Variants in AKAP6 observed in about 807,000 individuals in gnomAD.
AKAP6 encodes A-kinase anchor protein 6.
Under a neutral mutation model 188.5 loss-of-function variants are expected in AKAP6, and 58 were observed. The observed-to-expected ratio is 0.31, with a 90% CI of 0.25 to 0.38. The LOEUF (loss-of-function observed/expected upper bound fraction) is 0.38, where lower values mean the gene tolerates loss of function less well. Among genes scored for constraint, AKAP6 ranks in the 10% least tolerant of loss-of-function variants. AKAP6 has a pLI of 1.00. For synonymous variants in AKAP6, 989 were observed against 998.6 expected (o/e 0.99, Z 0.18); for missense variants, 2,710 against 2,740.0 (o/e 0.99, Z 0.24).
At chr14:32,367,596 A>G (rs1887875438) in intron 1 of AKAP6, among the ~76,000 whole-genome samples, 1 of 152,168 alleles carries the variant, frequency 6.6e-6, no homozygotes, top group South Asian at 2.1e-4. Context: ...ATGGATGGCC[A>G]TCAACTGCAT....
intron 12 of AKAP6, among the ~76,000 whole-genome samples, chr14:32,797,451 T>C (rs779048214): frequency 1.3e-5 from 2 of 152,208 alleles, no homozygotes; most frequent in Non-Finnish European, 2.9e-5. Flanking sequence ...AATGAGACCA[T>C]GTCCTTTGCA....
intron 11 of AKAP6, among the ~76,000 whole-genome samples, chr14:32,756,810 G>T (rs1179776875): frequency 1.3e-5 from 2 of 152,144 alleles, no homozygotes; most frequent in African/African-American, 4.8e-5. Flanking sequence ...ATGCTGCAGG[G>T]GCTGGCCTGG....
intron 8 of AKAP6, among the ~76,000 whole-genome samples, chr14:32,679,899 T>C (rs1199871479): frequency 2.0e-5 from 3 of 152,218 alleles, no homozygotes; most frequent in African/African-American, 7.2e-5. Context: ...TCTTGAAGCA[T>C]GAACAATAAA....
intron 7 of AKAP6, 143 bp from the exon 8 acceptor site, chr14:32,678,168 T>G (rs961870437): frequency 1.3e-6 from 1 of 748,178 alleles, no homozygotes; most frequent in Non-Finnish European, 2.0e-6. Flanking sequence ...TTCTGTAATA[T>G]GCCCAACTGA....
At chr14:32,482,973 CTGTGTGTG>C (rs141150013) in intron 2 of AKAP6, among the ~76,000 whole-genome samples, 4 of 145,442 alleles carry the variant, frequency 2.8e-5, no homozygotes, top group African/African-American at 9.9e-5. Flanking sequence ...GTGTGTGTGT[CTGTGTGTG>C]TGTGTGTGTA....
intron 1 of AKAP6, among the ~76,000 whole-genome samples, chr14:32,421,322 C>T (rs1237784994): frequency 8.0e-6 from 1 of 124,914 alleles, no homozygotes; most frequent in African/African-American, 3.0e-5. Flanking sequence ...GAAGTTGGAC[C>T]TCCTGCAATA....
chr14:32,530,783 A>G (rs1247960844), intron 2 of AKAP6, among the ~76,000 whole-genome samples: 2 of 152,316 alleles, frequency 1.3e-5, no homozygotes, highest in East Asian at 1.9e-4. Context: ...ACATCCCTGT[A>G]TTTGTTTAGA....
intron 1 of AKAP6, among the ~76,000 whole-genome samples, chr14:32,385,914 CAT>C (rs1222138761): frequency 2.7e-5 from 4 of 148,160 alleles, no homozygotes; most frequent in African/African-American, 7.4e-5. Flanking sequence ...TACATGTAGT[CAT>C]ATATTATAGT....
At chr14:32,668,703 G>C (rs942083250) in intron 7 of AKAP6, among the ~76,000 whole-genome samples, 13 of 152,008 alleles carry the variant, frequency 8.6e-5, no homozygotes, top group Admixed American at 7.9e-4. Context: ...AATAAACCTT[G>C]AGAACCTAAG....
At chr14:32,745,371 G>A (rs4331261) in intron 11 of AKAP6, among the ~76,000 whole-genome samples, 189 of 145,568 alleles carry the variant, frequency 1.3e-3, no homozygotes, top group African/African-American at 4.7e-3. Flanking sequence ...TGGCTTGATG[G>A]TCTTGGACAA....
At chr14:32,713,683 CTTCCTCACCTCTCTT>C (rs2030020191) in intron 9 of AKAP6, among the ~76,000 whole-genome samples, 1 of 152,052 alleles carries the variant, frequency 6.6e-6, no homozygotes, top group African/African-American at 2.4e-5. Context: ...TCTTCTGCAG[CTTCCTCACCTCTCTT>C]AGCCTTCATA....
At chr14:32,609,413 G>T (rs1407614124) in intron 7 of AKAP6, among the ~76,000 whole-genome samples, 1 of 152,130 alleles carries the variant, frequency 6.6e-6, no homozygotes, top group East Asian at 1.9e-4. Flanking sequence ...AGCTCCCACT[G>T]TGCCTAAATG....
rs1288055010 is a variant in AKAP6 at position 32,834,150 on chromosome 14, T to C, written c.*4345T>C. 6.6e-6 allele frequency: 1 copy of C among 152,278 alleles called. No homozygotes were observed. The highest frequency in any genetic ancestry group is 1.5e-5 in the Non-Finnish European group (1 of 68,086). The allele number at this position is 152,278 out of a possible 1,614,324, so 9.4% of individuals were successfully genotyped here. On this transcript the variant is annotated 3_prime_UTR_variant, in exon 14 of 14. Coordinates refer to ENST00000280979, the MANE Select transcript of AKAP6 (RefSeq NM_004274.5). ...GCTCACGCCTGTAATCCCAGCACTT[T>C]GGGAGGCCAAGGCGTGTGGATCACC...
chr14:32,572,168 A>G (rs10144948), intron 4 of AKAP6, among the ~76,000 whole-genome samples: 20,702 of 152,188 alleles, frequency 0.14, 1,578 homozygotes, highest in Admixed American at 0.21. Flanking sequence ...TGGGAGGAAT[A>G]GACTTTGGAG....
At chr14:32,728,935 A>G (rs773317948) in intron 9 of AKAP6, among the ~76,000 whole-genome samples, 1 of 152,088 alleles carries the variant, frequency 6.6e-6, no homozygotes, top group Non-Finnish European at 1.5e-5. Context: ...CCATCCCCCA[A>G]TCCTGGCCAT....
At chr14:32,778,968 T>C (rs1471195267) in intron 12 of AKAP6, among the ~76,000 whole-genome samples, 1 of 151,258 alleles carries the variant, frequency 6.6e-6, no homozygotes, top group Non-Finnish European at 1.5e-5. Flanking sequence ...AATAGAAGAA[T>C]AGCAAGATGG....
intron 11 of AKAP6, among the ~76,000 whole-genome samples, chr14:32,768,590 GATC>G (rs1277982807): frequency 6.6e-6 from 1 of 152,074 alleles, no homozygotes; most frequent in Non-Finnish European, 1.5e-5. Context: ...GAAAGTAATT[GATC>G]ATCAACAATT....
intron 1 of AKAP6, among the ~76,000 whole-genome samples, chr14:32,416,194 C>T (rs1889651287): frequency 6.6e-6 from 1 of 152,200 alleles, no homozygotes; most frequent in Non-Finnish European, 1.5e-5. Flanking sequence ...TCTCCACATT[C>T]TTATCAACAC....
At chr14:32,367,409 C>T (rs895911973) in intron 1 of AKAP6, among the ~76,000 whole-genome samples, 1 of 152,152 alleles carries the variant, frequency 6.6e-6, no homozygotes, top group Non-Finnish European at 1.5e-5. Flanking sequence ...ATTAATTGTT[C>T]AGGAGCTAAG....
Sources: gnomAD v4.1 joint callset for allele counts (sites outside exome capture counted in the v4.1 genomes callset) on GRCh38, gnomAD v4.1.1 for gene constraint, MANE v1.5 for transcripts, NCBI Gene and HGNC (gene_info 2026-07-23, HGNC 2026-07-21) for gene names.